AFAP1: variants seen among roughly 807,000 people sequenced by gnomAD.
The protein encoded by AFAP1 is actin filament-associated protein 1.
AFAP1 carries 75 observed loss-of-function variants against 93.9 expected under a neutral mutation model. The ratio of observed to expected loss-of-function variants is 0.80; its 90% CI spans 0.66 to 0.97. The LOEUF (loss-of-function observed/expected upper bound fraction) is 0.97, where lower values mean the gene tolerates loss of function less well. Ranked by LOEUF, AFAP1 falls within the 50% of genes least tolerant of loss-of-function variation. The pLI, the probability that AFAP1 is intolerant of heterozygous loss-of-function variation, is 0.00. For synonymous variants in AFAP1, 517 were observed against 430.7 expected (o/e 1.20, Z -2.48); for missense variants, 1,201 against 1,050.8 (o/e 1.14, Z -1.98).
chr4:7,847,892 C>T (rs141514861), intron 4 of AFAP1, among the ~76,000 whole-genome samples: 34 of 151,668 alleles, frequency 2.2e-4, no homozygotes, highest in African/African-American at 7.8e-4. Context: ...ACAACAGAAC[C>T]GTGTGAACTC....
At chr4:7,871,713 G>T (rs1717065905) in intron 2 of AFAP1, among the ~76,000 whole-genome samples, 1 of 152,206 alleles carries the variant, frequency 6.6e-6, no homozygotes, top group African/African-American at 2.4e-5. Flanking sequence ...AAACGCTGGG[G>T]TTGCCCTGAG....
intron 1 of AFAP1, among the ~76,000 whole-genome samples, chr4:7,917,373 C>T (rs1720144160): frequency 6.6e-6 from 1 of 152,104 alleles, no homozygotes; most frequent in Non-Finnish European, 1.5e-5. Flanking sequence ...TTTGTAGGTA[C>T]ACTGGAAAAG....
At chr4:7,774,650 G>C in intron 15 of AFAP1, 89 bp downstream of exon 15, 1 of 1,504,772 alleles carries the variant, frequency 6.6e-7, no homozygotes, top group Non-Finnish European at 8.9e-7. Flanking sequence ...CAGCCTTGGT[G>C]AGCAATAGGT....
chr4:7,799,028 G>A (rs954613016), intron 10 of AFAP1: 42 of 985,814 alleles, frequency 4.3e-5, no homozygotes, highest in African/African-American at 2.1e-4. Context: ...TTTTTCCACC[G>A]CCATCCACCC....
At chr4:7,844,289 A>G (rs1029334953) in intron 4 of AFAP1, among the ~76,000 whole-genome samples, 11 of 151,996 alleles carry the variant, frequency 7.2e-5, no homozygotes, top group Non-Finnish European at 1.2e-4. Context: ...AAGAAGAGAG[A>G]GAGAGAGAGA....
rs560132856 is a variant in AFAP1 at position 7,811,023 on chromosome 4, C to T, written c.905-1260G>A. On this transcript the variant is annotated intron_variant, in intron 8 of 17. Coordinates refer to ENST00000420658, the MANE Select transcript of AFAP1 (RefSeq NM_001134647.2). ...AGCACCAGAACCGAGTGACAAGATC[C>T]TTTGGGCCAGAGAGCGACCCTCGGA... Among the ~76,000 whole-genome samples the T allele has an allele frequency of 1.4e-4, 21 of 152,344 alleles. No individual in the cohort carries two copies. The East Asian group carries it at 4.1e-3, about 29-fold the overall frequency.
intron 1 of AFAP1, among the ~76,000 whole-genome samples, chr4:7,926,256 C>G (rs994566858): frequency 6.6e-6 from 1 of 152,218 alleles, no homozygotes; most frequent in Non-Finnish European, 1.5e-5. Context: ...CCCCACAGTT[C>G]TATTTTAGCA....
intron 2 of AFAP1, among the ~76,000 whole-genome samples, chr4:7,869,036 AAG>A (rs1300737552): frequency 6.6e-6 from 1 of 151,722 alleles, no homozygotes; most frequent in East Asian, 1.9e-4. Flanking sequence ...AGAAAAAAGA[AAG>A]AAAAGAAAAG....
At chr4:7,898,500 G>GAA (rs1228970051) in intron 1 of AFAP1, among the ~76,000 whole-genome samples, 3 of 150,672 alleles carry the variant, frequency 2.0e-5, no homozygotes, top group Non-Finnish European at 4.4e-5. Flanking sequence ...AACATTTCAG[G>GAA]AAAAAAAAAT....
intron 8 of AFAP1, among the ~76,000 whole-genome samples, chr4:7,810,826 A>T (rs1222743382): frequency 6.6e-6 from 1 of 151,694 alleles, no homozygotes; most frequent in Non-Finnish European, 1.5e-5. Flanking sequence ...GGTTCTCATC[A>T]CTCCCCATCA....
intron 1 of AFAP1, among the ~76,000 whole-genome samples, chr4:7,906,286 G>A (rs1015286598): frequency 3.3e-5 from 5 of 152,214 alleles, no homozygotes; most frequent in African/African-American, 1.2e-4. Flanking sequence ...GGCAACAGAA[G>A]ATATGAAAGC....
intron 6 of AFAP1, among the ~76,000 whole-genome samples, chr4:7,834,790 G>T (rs1712078928): frequency 6.6e-6 from 1 of 152,240 alleles, no homozygotes; most frequent in African/African-American, 2.4e-5. Flanking sequence ...CCATAAGCAG[G>T]ATGGAGACCC....
rs1233824980 is a variant in AFAP1 at position 7,816,106 on chromosome 4, G to A, written c.823-7C>T. 6 of 1,606,922 alleles carry A rather than the reference G, an allele frequency of 3.7e-6. No homozygotes were observed. In the Admixed American group the frequency reaches 5.0e-5, roughly 14 times the overall value. The stretch of plus-strand genomic sequence containing the variant: ...GTCTCTCTGAAGACAGTTTCTGTAA[G>A]GAGAAAAAGATTAAGTTATTCTTAC... On this transcript the variant is annotated splice_polypyrimidine_tract_variant and splice_region_variant and intron_variant, in intron 7 of 17. Transcript: ENST00000420658.
intron 1 of AFAP1, among the ~76,000 whole-genome samples, chr4:7,893,309 G>A (rs574637693): frequency 8.1e-4 from 123 of 152,254 alleles, no homozygotes; most frequent in African/African-American, 2.8e-3. Flanking sequence ...GGCTGGGTGC[G>A]GTGGCTCACG....
intron 10 of AFAP1, among the ~76,000 whole-genome samples, chr4:7,796,908 A>G (rs1718480006): frequency 6.6e-6 from 1 of 151,730 alleles, no homozygotes; most frequent in Non-Finnish European, 1.5e-5. Flanking sequence ...AAAAAGTAAA[A>G]AAAATTAGCC....
chr4:7,926,809 T>G (rs1720796134), intron 1 of AFAP1, among the ~76,000 whole-genome samples: 1 of 152,186 alleles, frequency 6.6e-6, no homozygotes, highest in African/African-American at 2.4e-5. Flanking sequence ...CACTATTAGC[T>G]CACTGCAACC....
In AFAP1 at chr4:7,901,307, G is replaced by A. The variant is rs376743750; in HGVS notation, c.-2-29227C>T. ...CCTCACTCCACATCAAGTTCACAAC[G>A]TCCTTCTGACATCAAATCACAGGTA... On this transcript the variant is annotated intron_variant, in intron 1 of 17. Coordinates refer to ENST00000420658, the MANE Select transcript of AFAP1 (RefSeq NM_001134647.2). Among the ~76,000 whole-genome samples, 6 of 152,290 alleles carry A rather than the reference G, an allele frequency of 3.9e-5. No homozygotes were observed. The South Asian group carries it at 1.0e-3, about 26-fold the overall frequency.
chr4:7,777,147 C>G (rs1349486583), intron 14 of AFAP1: 1 of 152,188 alleles, frequency 6.6e-6, no homozygotes, highest in Non-Finnish European at 1.5e-5. Context: ...ACAAAGCTTT[C>G]CAGGTGTGAG....
intron 1 of AFAP1, among the ~76,000 whole-genome samples, chr4:7,878,391 C>T (rs1242716487): frequency 6.6e-6 from 1 of 152,180 alleles, no homozygotes; most frequent in Non-Finnish European, 1.5e-5. Context: ...CTGATGTATT[C>T]CGAGAGTGGC....
Sources: allele counts gnomAD v4.1 joint callset (sites outside exome capture counted in the v4.1 genomes callset), GRCh38; gene constraint gnomAD v4.1.1; transcripts MANE v1.5; gene names NCBI Gene and HGNC (gene_info 2026-07-23, HGNC 2026-07-21).